SCAF8: variants seen among roughly 807,000 people sequenced by gnomAD.
The protein encoded by SCAF8 is SR-related and CTD-associated factor 8.
SCAF8 carries 23 observed loss-of-function variants against 140.5 expected under a neutral mutation model. The observed-to-expected ratio is 0.16, with a 90% CI of 0.12 to 0.23. SCAF8 has a LOEUF of 0.23. Ranked by LOEUF, SCAF8 falls within the 10% of genes least tolerant of loss-of-function variation. The pLI, the probability that SCAF8 is intolerant of heterozygous loss-of-function variation, is 1.00. For missense variants in SCAF8, 1,397 were observed against 1,555.7 expected, an observed-to-expected ratio of 0.90 and a Z score of 1.72; for synonymous variants, 575 against 528.9, an observed-to-expected ratio of 1.09 and a Z score of -1.20.
At chr6:154,742,690 G>A (rs1378858417) in intron 1 of SCAF8, among the ~76,000 whole-genome samples, 2 of 152,138 alleles carry the variant, frequency 1.3e-5, no homozygotes, top group African/African-American at 2.4e-5. Context: ...CTATGTAAAT[G>A]TATTAAAATA....
chr6:154,782,572 A>G lies in SCAF8; in HGVS notation c.159+4527A>G, dbSNP rs116285398. ...TCTAGAGGGACAGAACTAATAGGAT[A>G]TGTGTATATATACACACATATATAG... On this transcript the variant is annotated intron_variant, in intron 3 of 19. Coordinates refer to ENST00000367178, the MANE Select transcript of SCAF8 (RefSeq NM_014892.5). Among the ~76,000 whole-genome samples, 853 of 152,270 alleles carry G rather than the reference A, an allele frequency of 5.6e-3. 13 individuals are homozygous for G. Among genetic ancestry groups the G allele is most frequent in the African/African-American group, 0.019 (810 of 41,550 alleles).
chr6:154,823,567 G>A (rs866326522), intron 16 of SCAF8, among the ~76,000 whole-genome samples: 1 of 152,208 alleles, frequency 6.6e-6, no homozygotes, highest in African/African-American at 2.4e-5. Flanking sequence ...ATGAGCAAAA[G>A]CAGAGGCAAG....
intron 15 of SCAF8, among the ~76,000 whole-genome samples, chr6:154,821,215 C>T (rs1778413727): frequency 6.6e-6 from 1 of 152,186 alleles, no homozygotes; most frequent in Admixed American, 6.5e-5. Flanking sequence ...CAGAGGTCAG[C>T]AACCTAATAC....
In SCAF8 at chr6:154,733,531, G is replaced by A. The variant is rs902708617; in HGVS notation, c.-370G>A. 23 of 1,308,504 alleles carry A rather than the reference G, an allele frequency of 1.8e-5. No individual in the cohort carries two copies. Among genetic ancestry groups the A allele is most frequent in the African/African-American group, 4.6e-5 (3 of 64,942 alleles). 81.1% of individuals were successfully genotyped at this position (1,308,504 alleles called of 1,614,324 possible). A position where few individuals can be genotyped will look rare whatever the true frequency, so the allele number is the denominator to read the frequency against. On this transcript the variant is annotated 5_prime_UTR_variant, in exon 1 of 20. Coordinates refer to ENST00000367178, the MANE Select transcript of SCAF8 (RefSeq NM_014892.5). ...GAAACAGGAGCCCGTCGGAGGAAGG[G>A]GCAGAAGGGAGTGGAGAGTGTAGGG...
chr6:154,811,224 T>G (rs1778080105), intron 12 of SCAF8, among the ~76,000 whole-genome samples: 1 of 152,148 alleles, frequency 6.6e-6, no homozygotes, highest in South Asian at 2.1e-4. Flanking sequence ...AAAGAAATAA[T>G]GTCAAACGTT....
chr6:154,736,105 G>A (rs1397587020), intron 1 of SCAF8, among the ~76,000 whole-genome samples: 1 of 151,978 alleles, frequency 6.6e-6, no homozygotes, highest in Admixed American at 6.6e-5. Flanking sequence ...GATGACAGAT[G>A]TGAGCCACCA....
rs376622207 is a variant in SCAF8 at position 154,796,389 on chromosome 6, C to CTCTCTCTCTCTGTCTGTCTG, written c.606+1253_606+1254insCTCTCTCTGTCTGTCTGTCT. ...TCTCTCTCTCTCTCTCTCTCTCTCT[C>CTCTCTCTCTCTGTCTGTCTG]TCTGTCTCTCTCTTTTTCTGACCCT... On this transcript the variant is annotated intron_variant, in intron 6 of 19. Transcript: ENST00000367178. Among the ~76,000 whole-genome samples, 77 of 141,048 alleles carry CTCTCTCTCTCTGTCTGTCTG rather than the reference C, an allele frequency of 5.5e-4. 1 individual carries two copies. Among genetic ancestry groups the CTCTCTCTCTCTGTCTGTCTG allele is most frequent in the African/African-American group, 1.8e-3 (64 of 36,368 alleles). The allele number at this position is 141,048 out of a possible 152,430, so 92.5% of individuals were successfully genotyped here. A position where few individuals can be genotyped will look rare whatever the true frequency, so the allele number is the denominator to read the frequency against.
chr6:154,742,013 A>G (rs1291087913), intron 1 of SCAF8: 1 of 1,531,946 alleles, frequency 6.5e-7, no homozygotes, highest in Non-Finnish European at 8.7e-7. Flanking sequence ...GGACACAAGA[A>G]GCATAGTAAG....
intron 1 of SCAF8, among the ~76,000 whole-genome samples, chr6:154,738,016 A>G (rs1358529000): frequency 3.3e-5 from 5 of 152,032 alleles, no homozygotes; most frequent in Non-Finnish European, 4.4e-5. Context: ...GGAAGATGCC[A>G]GAGACTTTAG....
intron 1 of SCAF8, among the ~76,000 whole-genome samples, chr6:154,764,836 A>T (rs1477147886): frequency 6.6e-6 from 1 of 152,178 alleles, no homozygotes; most frequent in African/African-American, 2.4e-5. Context: ...ATGATTTTTT[A>T]TCCTGGATCA....
intron 4 of SCAF8, among the ~76,000 whole-genome samples, chr6:154,788,446 C>G (rs1307378132): frequency 6.6e-6 from 1 of 152,148 alleles, no homozygotes; most frequent in Non-Finnish European, 1.5e-5. Flanking sequence ...CTCATTTGCT[C>G]TTAGTTATTT....
intron 1 of SCAF8, among the ~76,000 whole-genome samples, chr6:154,754,022 A>G (rs1041890083): frequency 6.6e-6 from 1 of 152,068 alleles, no homozygotes; most frequent in African/African-American, 2.4e-5. Flanking sequence ...TTTTTGTAAT[A>G]TTTTCTCCAA....
At chr6:154,740,064 C>G (rs1039717291) in intron 1 of SCAF8, among the ~76,000 whole-genome samples, 1 of 152,202 alleles carries the variant, frequency 6.6e-6, no homozygotes, top group Non-Finnish European at 1.5e-5. Context: ...AGAGGGAGTT[C>G]TGGTTAATTC....
At chr6:154,821,347 CTT>C (rs80093729) in intron 15 of SCAF8, among the ~76,000 whole-genome samples, 22 of 144,750 alleles carry the variant, frequency 1.5e-4, no homozygotes, top group Admixed American at 2.1e-4. Flanking sequence ...TTCTGTTTTA[CTT>C]TTTTTTTTTT....
In SCAF8 at chr6:154,832,078, T is replaced by C. The variant is rs1462391490; in HGVS notation, c.2499T>C (p.Asn833=). 1.9e-6 allele frequency: 3 copies of C among 1,614,170 alleles called. No homozygotes were observed. The highest frequency in any genetic ancestry group is 1.7e-5 in the Admixed American group (1 of 60,018). The change falls in exon 20 of 20, where the codon AAT becomes AAC. Residue 833 remains asparagine, a synonymous_variant. Coordinates refer to ENST00000367178, the MANE Select transcript of SCAF8 (RefSeq NM_014892.5). ...AAATTCTTGGGGTCCGGCCATCTAA[T>C]GTTTCCAGTAGTTCTGGGATTATTG... ...NSEILGVRPS[N]VSSSSGIIAA...
At chr6:154,749,446 A>T (rs1284627115) in intron 1 of SCAF8, among the ~76,000 whole-genome samples, 1 of 152,190 alleles carries the variant, frequency 6.6e-6, no homozygotes, top group Non-Finnish European at 1.5e-5. Flanking sequence ...TCTGCAGGGT[A>T]GTCCGCAACA....
intron 12 of SCAF8, among the ~76,000 whole-genome samples, chr6:154,814,329 A>G (rs1214809442): frequency 1.3e-5 from 2 of 152,222 alleles, no homozygotes; most frequent in African/African-American, 4.8e-5. Flanking sequence ...AAACAAACAA[A>G]CGAAAAACAA....
intron 1 of SCAF8, among the ~76,000 whole-genome samples, chr6:154,754,824 CT>C (rs1271648637): frequency 2.0e-5 from 3 of 152,094 alleles, no homozygotes; most frequent in African/African-American, 7.2e-5. Flanking sequence ...TCAGAAATTA[CT>C]TGTATTTTTT....
rs760055490 is a variant in SCAF8, at chr6:154,820,362, A to G, written c.1792+29A>G. Reference sequence around the variant, plus strand: ...AGAATTCTAAGGTCTTTTTATTGTTAAAAAAAAGTATGCTTAGAAGGTTGT... The same window carrying G: ...AGAATTCTAAGGTCTTTTTATTGTTGAAAAAAAGTATGCTTAGAAGGTTGT... On this transcript the variant is annotated intron_variant, in intron 15 of 19. Transcript: ENST00000367178. 3.9e-6 allele frequency: 6 copies of G among 1,537,486 alleles called. No individual in the cohort carries two copies. The Middle Eastern group carries it at 8.9e-4, about 227-fold the overall frequency.
Sources: gnomAD v4.1 joint callset for allele counts (sites outside exome capture counted in the v4.1 genomes callset) on GRCh38, gnomAD v4.1.1 for gene constraint, MANE v1.5 for transcripts, NCBI Gene and HGNC (gene_info 2026-07-23, HGNC 2026-07-21) for gene names.